Variants in STK33 observed in about 807,000 individuals in gnomAD.
The protein encoded by STK33 is serine/threonine-protein kinase 33.
In STK33, 52 loss-of-function variants were observed where a neutral mutation model predicts 58.0. The observed-to-expected ratio is 0.90, with a 90% CI of 0.72 to 1.13. The LOEUF (loss-of-function observed/expected upper bound fraction) is 1.13, where lower values mean the gene tolerates loss of function less well. Among genes scored for constraint, STK33 ranks in the 50% most tolerant of loss-of-function variants. STK33 has a pLI of 0.00. For synonymous variants in STK33, 215 were observed against 200.1 expected, an observed-to-expected ratio of 1.07 and a Z score of -0.63; for missense variants, 630 against 604.2, an observed-to-expected ratio of 1.04 and a Z score of -0.45.
intron 1 of STK33, among the ~76,000 whole-genome samples, chr11:8,504,529 C>T (rs1951736549): frequency 6.6e-6 from 1 of 152,134 alleles, no homozygotes; most frequent in African/African-American, 2.4e-5. Context: ...TGGCTCACGT[C>T]TATAATCCCA....
chr11:8,401,994 A>G (rs967096453), intron 15 of STK33, among the ~76,000 whole-genome samples: 2 of 152,208 alleles, frequency 1.3e-5, no homozygotes, highest in African/African-American at 4.8e-5. Context: ...GTGGAGAAAT[A>G]GGAACACTTT....
At chr11:8,443,747 C>A (rs61880267) in intron 11 of STK33, among the ~76,000 whole-genome samples, 7 of 152,012 alleles carry the variant, frequency 4.6e-5, no homozygotes, top group Non-Finnish European at 1.0e-4. Flanking sequence ...ACCTATAATC[C>A]CAGCACTTTG....
the STK33 span, among the ~76,000 whole-genome samples, chr11:8,365,935 ATCTG>A: frequency 3.3e-5 from 5 of 152,060 alleles, no homozygotes; most frequent in South Asian, 2.1e-4. Context: ...CTGTCTGTAT[ATCTG>A]TCTGTCTATC....
chr11:8,401,246 G>T (rs1416565931), intron 15 of STK33, among the ~76,000 whole-genome samples: 2 of 152,148 alleles, frequency 1.3e-5, no homozygotes, highest in African/African-American at 4.8e-5. Context: ...AACCAAAACA[G>T]CATGGTACTG....
intron 15 of STK33, among the ~76,000 whole-genome samples, chr11:8,412,126 ATGTG>A (rs745439491): frequency 2.0e-5 from 3 of 152,216 alleles, no homozygotes; most frequent in Admixed American, 6.5e-5. Flanking sequence ...AGATGTATGT[ATGTG>A]TAAGAATATG....
intron 1 of STK33, among the ~76,000 whole-genome samples, chr11:8,504,518 A>G (rs1356719959): frequency 6.6e-6 from 1 of 152,158 alleles, no homozygotes; most frequent in African/African-American, 2.4e-5. Context: ...GCCAGGTGCC[A>G]TGGCTCACGT....
intron 1 of STK33, among the ~76,000 whole-genome samples, chr11:8,557,267 G>GGGAA (rs1956813853): frequency 2.2e-5 from 1 of 45,568 alleles, no homozygotes; most frequent in African/African-American, 1.0e-4. Context: ...AAGGGGAGGG[G>GGGAA]AGGGGAGGGG....
intron 1 of STK33, among the ~76,000 whole-genome samples, chr11:8,497,743 TG>T (rs1282846594): frequency 6.6e-6 from 1 of 152,154 alleles, no homozygotes; most frequent in Admixed American, 6.6e-5. Flanking sequence ...ATTACAGGCA[TG>T]AGCCACCACA....
At chr11:8,534,875 A>G (rs1490079213) in intron 1 of STK33, among the ~76,000 whole-genome samples, 1 of 152,154 alleles carries the variant, frequency 6.6e-6, no homozygotes, top group African/African-American at 2.4e-5. Context: ...AAAGGCTGCC[A>G]TTGAAAGGAC....
chr11:8,423,995 A>T (rs1434021988), intron 14 of STK33, among the ~76,000 whole-genome samples: 2 of 151,786 alleles, frequency 1.3e-5, no homozygotes, highest in Admixed American at 6.6e-5. Flanking sequence ...GTATATATAT[A>T]TTTTTATTAT....
rs565262916 is a variant in STK33 at position 8,459,538 on chromosome 11, A to G, written c.559-2059T>C. On this transcript the variant is annotated intron_variant, in intron 8 of 15. Coordinates refer to ENST00000687296, the MANE Select transcript of STK33 (RefSeq NM_001352389.2). ...AAGAACTGGGCAAAATATATAAAACAATAATTTTTAGACATTAAACATCAG... is the reference window on the plus strand; with the variant it reads ...AAGAACTGGGCAAAATATATAAAACGATAATTTTTAGACATTAAACATCAG... 1.7e-3 allele frequency among the ~76,000 whole-genome samples: 253 copies of G among 152,264 alleles called. 2 individuals carry two copies. Among genetic ancestry groups the G allele is most frequent in the African/African-American group, 5.9e-3 (247 of 41,566 alleles).
chr11:8,523,556 C>G (rs1052941193), intron 1 of STK33, among the ~76,000 whole-genome samples: 3 of 151,662 alleles, frequency 2.0e-5, no homozygotes, highest in African/African-American at 7.3e-5. Context: ...CCCCTCCACC[C>G]GGCAGCCGCC....
At chr11:8,532,532 T>C (rs896208907) in intron 1 of STK33, among the ~76,000 whole-genome samples, 14 of 152,212 alleles carry the variant, frequency 9.2e-5, no homozygotes, top group African/African-American at 3.4e-4. Context: ...TTTTCCCTTT[T>C]CCAAACTTAA....
At chr11:8,356,948 G>A in the STK33 span, among the ~76,000 whole-genome samples, 1 of 152,202 alleles carries the variant, frequency 6.6e-6, no homozygotes, top group Non-Finnish European at 1.5e-5. Flanking sequence ...GCTAGAGGAA[G>A]CCGTCCCTGA....
chr11:8,448,743 A>C (rs962150301), intron 11 of STK33, among the ~76,000 whole-genome samples: 3 of 152,158 alleles, frequency 2.0e-5, no homozygotes, highest in African/African-American at 7.2e-5. Context: ...CATGTCTAAA[A>C]CACCAAAAGC....
intron 1 of STK33, among the ~76,000 whole-genome samples, chr11:8,551,352 A>T (rs1042175464): frequency 6.6e-6 from 1 of 151,966 alleles, no homozygotes; most frequent in African/African-American, 2.4e-5. Flanking sequence ...CTGGTCTCAA[A>T]CTCCTGACCT....
the STK33 span, among the ~76,000 whole-genome samples, chr11:8,378,325 C>A: frequency 3.1e-4 from 47 of 152,180 alleles, no homozygotes; most frequent in Non-Finnish European, 6.3e-4. Flanking sequence ...TTGAGACCAG[C>A]CTGACCAACA....
intron 1 of STK33, among the ~76,000 whole-genome samples, chr11:8,519,564 G>T (rs1953180483): frequency 6.6e-6 from 1 of 151,892 alleles, no homozygotes; most frequent in Non-Finnish European, 1.5e-5. Context: ...GCTAGATTTT[G>T]GAAATGATAA....
chr11:8,537,799 GACTCTGTTTCAAAAAAAAAA>G (rs934612193), intron 1 of STK33, among the ~76,000 whole-genome samples: 20 of 129,732 alleles, frequency 1.5e-4, no homozygotes, highest in Non-Finnish European at 4.7e-5. Context: ...AACAGAGCGA[GACTCTGTTTCAAAAAAAAAA>G]AAAAATTAAA....
Sources: gnomAD v4.1 joint callset for allele counts (sites outside exome capture counted in the v4.1 genomes callset) on GRCh38, gnomAD v4.1.1 for gene constraint, MANE v1.5 for transcripts, NCBI Gene and HGNC (gene_info 2026-07-23, HGNC 2026-07-21) for gene names.